Variants in HPD observed in about 807,000 individuals in gnomAD.
The protein encoded by HPD is 4-hydroxyphenylpyruvic acid oxidase.
HPD carries 35 observed loss-of-function variants against 56.9 expected under a neutral mutation model. The ratio of observed to expected loss-of-function variants is 0.62; its 90% confidence interval spans 0.47 to 0.82. The LOEUF (loss-of-function observed/expected upper bound fraction) is 0.82, where lower values mean the gene tolerates loss of function less well. Ranked by LOEUF, HPD falls within the 40% of genes least tolerant of loss-of-function variation. The probability of loss-of-function intolerance (pLI) is 0.00; values close to 1 mark genes in which losing one functional copy is unlikely to be tolerated. For synonymous variants in HPD, 186 were observed against 200.2 expected, an observed-to-expected ratio of 0.93 and a Z score of 0.60; for missense variants, 442 against 506.8, an observed-to-expected ratio of 0.87 and a Z score of 1.23.
chr12:121,845,038 C>T (rs972670587), intron 11 of HPD, among the ~76,000 whole-genome samples: 4 of 149,290 alleles, frequency 2.7e-5, no homozygotes, highest in Non-Finnish European at 5.9e-5. Context: ...GAGCCAAAAT[C>T]GCACCACTGC....
At chr12:121,849,610 T>C in intron 8 of HPD, 77 bp downstream of exon 8, 1 of 971,814 alleles carries the variant, frequency 1.0e-6, no homozygotes, top group South Asian at 1.3e-5. Flanking sequence ...ACATGCGCAG[T>C]GGACATGGAG....
At chr12:121,870,801 G>T in the HPD span, among the ~76,000 whole-genome samples, 1 of 151,796 alleles carries the variant, frequency 6.6e-6, no homozygotes, top group Non-Finnish European at 1.5e-5. Context: ...TCTCCATGTT[G>T]GTCAGGCTGG....
intron 7 of HPD, 53 bp from the exon 8 acceptor site, chr12:121,849,843 G>T: frequency 8.4e-7 from 1 of 1,190,194 alleles, no homozygotes; most frequent in Non-Finnish European, 1.3e-6. Context: ...CCCCGCCGAG[G>T]ACAGAGCACA....
At chr12:121,854,565 T>G (rs1877923988) in intron 7 of HPD, 138 bp downstream of exon 7, 53 of 758,044 alleles carry the variant, frequency 7.0e-5, no homozygotes, top group South Asian at 6.7e-4. Flanking sequence ...GGCCAGGCAA[T>G]ACGGGGGACA....
the HPD span, among the ~76,000 whole-genome samples, chr12:121,869,681 G>C: frequency 4.0e-5 from 6 of 151,064 alleles, no homozygotes; most frequent in Non-Finnish European, 5.9e-5. Flanking sequence ...CCCACCACCA[G>C]GCCCAACTAA....
upstream of HPD, among the ~76,000 whole-genome samples, chr12:121,864,554 T>TA (rs11412457): frequency 0.52 from 67,494 of 130,842 alleles, 18,216 homozygotes; most frequent in African/African-American, 0.72. Flanking sequence ...CCCTGACTAT[T>TA]AAAAAAAAAA....
At chr12:121,841,231 T>A (rs1259871021) in intron 12 of HPD, among the ~76,000 whole-genome samples, 1 of 145,262 alleles carries the variant, frequency 6.9e-6, no homozygotes, top group African/African-American at 2.6e-5. Context: ...TAGCTGGGCG[T>A]GGTGGCGGGC....
At chr12:121,883,179 GTTGTGTGTGT>G in the HPD span, among the ~76,000 whole-genome samples, 2 of 117,314 alleles carry the variant, frequency 1.7e-5, no homozygotes, top group African/African-American at 3.2e-5. Context: ...TGGAGCATAA[GTTGTGTGTGT>G]GTGTGTGTGT....
chr12:121,844,998 C>T (rs192565722), intron 11 of HPD, among the ~76,000 whole-genome samples: 14 of 147,278 alleles, frequency 9.5e-5, no homozygotes, highest in Non-Finnish European at 1.6e-4. Context: ...GCAGGAGAAT[C>T]GCTTGAACCC....
At chr12:121,873,774 C>T in the HPD span, among the ~76,000 whole-genome samples, 11 of 150,518 alleles carry the variant, frequency 7.3e-5, no homozygotes, top group African/African-American at 9.8e-5. Context: ...GAGCCGAGAT[C>T]GCGCCACTGC....
chr12:121,871,271 G>T, the HPD span, among the ~76,000 whole-genome samples: 2 of 152,012 alleles, frequency 1.3e-5, no homozygotes, highest in South Asian at 4.2e-4. Context: ...AGGCTGAGAC[G>T]GGTGAATCGA....
chr12:121,860,007 C>G (rs989606838), upstream of HPD, among the ~76,000 whole-genome samples: 2 of 152,104 alleles, frequency 1.3e-5, no homozygotes, highest in African/African-American at 4.8e-5. Context: ...AAAATACAAA[C>G]ATTAGCTGGG....
the HPD span, among the ~76,000 whole-genome samples, chr12:121,875,381 T>C: frequency 2.0e-5 from 3 of 150,974 alleles, no homozygotes; most frequent in African/African-American, 7.3e-5. Context: ...AGATACTCTG[T>C]ATGGTCAATT....
intron 7 of HPD, among the ~76,000 whole-genome samples, chr12:121,852,861 A>G (rs1228845496): frequency 6.7e-6 from 1 of 148,632 alleles, no homozygotes; most frequent in African/African-American, 2.5e-5. Context: ...CTAACTTCTG[A>G]CCTCAAGTGA....
At chr12:121,857,552 C>T (rs566879576) in intron 3 of HPD, 120 bp from the exon 4 acceptor site, 1 of 886,730 alleles carries the variant, frequency 1.1e-6, no homozygotes, top group East Asian at 2.5e-5. Context: ...GGCAGAGACC[C>T]TCCTGGGAAG....
At chr12:121,853,107 G>T (rs1877865686) in intron 7 of HPD, among the ~76,000 whole-genome samples, 1 of 152,088 alleles carries the variant, frequency 6.6e-6, no homozygotes, top group Non-Finnish European at 1.5e-5. Context: ...TTCTCACTTA[G>T]AAGTGAGAGC....
At chr12:121,856,717 CCT>C in intron 4 of HPD, 92 bp from the exon 5 acceptor site, 1 of 1,159,588 alleles carries the variant, frequency 8.6e-7, no homozygotes, top group Non-Finnish European at 1.3e-6. Flanking sequence ...CCGAAACACC[CCT>C]GATGGAGCAC....
At chr12:121,873,547 G>A in the HPD span, among the ~76,000 whole-genome samples, 3 of 152,150 alleles carry the variant, frequency 2.0e-5, no homozygotes, top group South Asian at 2.1e-4. Context: ...GGCCGGGCGC[G>A]GTGGCTCACG....
At position 121,848,102 on chromosome 12, in the gene HPD, G is replaced by T. The variant is rs1877646074; in HGVS notation, c.597-888C>A. ...CCCTTGCTTGGAATTTGGACAGGGG[G>T]CTCTCTGGGTGGTGGCAACCTTCCT... On this transcript the variant is annotated intron_variant, in intron 9 of 13. Transcript: ENST00000289004. Among the ~76,000 whole-genome samples, 3 of 152,200 alleles carry T rather than the reference G, an allele frequency of 2.0e-5. No individual in the cohort carries two copies. The South Asian group carries it at 6.2e-4, about 32-fold the overall frequency.
Sources: allele counts gnomAD v4.1 joint callset (sites outside exome capture counted in the v4.1 genomes callset), GRCh38; gene constraint gnomAD v4.1.1; transcripts MANE v1.5; gene names NCBI Gene and HGNC (gene_info 2026-07-23, HGNC 2026-07-21).